Variants in IRF2 observed in about 807,000 individuals in gnomAD.
The protein encoded by IRF2 is interferon regulatory factor 2.
IRF2 carries 15 observed loss-of-function variants against 40.6 expected under a neutral mutation model. The observed-to-expected ratio is 0.37, with a 90% confidence interval of 0.25 to 0.57. IRF2 has a LOEUF of 0.57. Ranked by LOEUF, IRF2 falls within the 20% of genes least tolerant of loss-of-function variation. The probability of loss-of-function intolerance (pLI) is 0.77; values close to 1 mark genes in which losing one functional copy is unlikely to be tolerated. For synonymous variants in IRF2, 151 were observed against 165.5 expected (o/e 0.91, Z 0.67); for missense variants, 317 against 455.7 (o/e 0.70, Z 2.77).
chr4:184,405,109 T>C (rs57161954), intron 6 of IRF2, among the ~76,000 whole-genome samples: 480 of 152,226 alleles, frequency 3.2e-3, no homozygotes, highest in African/African-American at 0.011. Flanking sequence ...CCAGGCATGG[T>C]GGCGCATCCC....
intron 6 of IRF2, among the ~76,000 whole-genome samples, chr4:184,401,467 G>C (rs535417973): frequency 1.8e-4 from 28 of 152,268 alleles, no homozygotes; most frequent in Middle Eastern, 3.4e-3. Flanking sequence ...TCCTGGTGGG[G>C]ATAAAATTAA....
intron 7 of IRF2, among the ~76,000 whole-genome samples, chr4:184,395,361 C>G (rs938088277): frequency 8.0e-6 from 1 of 125,584 alleles, no homozygotes; most frequent in Non-Finnish European, 1.6e-5. Context: ...TGCAGTGAGC[C>G]GAGATCGCAC....
At chr4:184,407,650 T>C (rs1029484908) in intron 6 of IRF2, among the ~76,000 whole-genome samples, 1 of 152,182 alleles carries the variant, frequency 6.6e-6, no homozygotes, top group Admixed American at 6.5e-5. Flanking sequence ...AGAAAAGAAA[T>C]TGGGCCTCCT....
chr4:184,444,129 A>G (rs1738414744), intron 1 of IRF2, among the ~76,000 whole-genome samples: 1 of 152,216 alleles, frequency 6.6e-6, no homozygotes, highest in Admixed American at 6.5e-5. Flanking sequence ...TCCCATATCC[A>G]TGACAAGTGG....
At chr4:184,450,062 T>G (rs1355269573) in intron 1 of IRF2, among the ~76,000 whole-genome samples, 1 of 152,240 alleles carries the variant, frequency 6.6e-6, no homozygotes, top group Non-Finnish European at 1.5e-5. Context: ...CAAAAGTGTG[T>G]GGATGTTAGC....
At chr4:184,442,512 T>C (rs1045413333) in intron 1 of IRF2, among the ~76,000 whole-genome samples, 10 of 152,074 alleles carry the variant, frequency 6.6e-5, no homozygotes, top group African/African-American at 2.4e-4. Context: ...CCATAACCGA[T>C]TAACCTGAAG....
intron 5 of IRF2, among the ~76,000 whole-genome samples, chr4:184,416,412 T>G (rs1197551471): frequency 8.1e-6 from 1 of 123,186 alleles, no homozygotes; most frequent in African/African-American, 3.3e-5. Context: ...AAAAAAAAAA[T>G]GTTTTAAGAG....
At chr4:184,431,259 T>C (rs744038) in intron 1 of IRF2, among the ~76,000 whole-genome samples, 43,287 of 152,168 alleles carry the variant, frequency 0.28, 6,813 homozygotes, top group South Asian at 0.44. Flanking sequence ...ATTCATTCAT[T>C]TGTTCCATTC....
At chr4:184,419,681 A>G (rs1185816426) in intron 2 of IRF2, 113 bp from the exon 3 acceptor site, 1 of 701,792 alleles carries the variant, frequency 1.4e-6, no homozygotes, top group African/African-American at 1.8e-5. Flanking sequence ...GCATCGCTGA[A>G]TGTGTTGACT....
intron 6 of IRF2, 82 bp from the exon 7 acceptor site, chr4:184,399,161 A>G: frequency 7.0e-7 from 1 of 1,432,886 alleles, no homozygotes; most frequent in Non-Finnish European, 9.3e-7. Flanking sequence ...GTCTTCCCCA[A>G]AAGAGCCAGG....
At chr4:184,391,625 G>C (rs1406948135) in intron 7 of IRF2, among the ~76,000 whole-genome samples, 7 of 152,226 alleles carry the variant, frequency 4.6e-5, no homozygotes, top group Non-Finnish European at 1.5e-5. Context: ...CCTCAGATGA[G>C]ACAGCAGCTG....
At chr4:184,412,074 C>A (rs1198594962) in intron 5 of IRF2, among the ~76,000 whole-genome samples, 1 of 149,120 alleles carries the variant, frequency 6.7e-6, no homozygotes, top group Non-Finnish European at 1.5e-5. Flanking sequence ...TGAACTCCAG[C>A]AAACATTTAT....
intron 1 of IRF2, among the ~76,000 whole-genome samples, chr4:184,439,832 G>A (rs1327886137): frequency 6.6e-6 from 1 of 152,090 alleles, no homozygotes; most frequent in African/African-American, 2.4e-5. Context: ...ACTGACTTGG[G>A]GCCCCTATGT....
intron 1 of IRF2, among the ~76,000 whole-genome samples, chr4:184,437,531 T>C (rs887071321): frequency 6.6e-5 from 10 of 152,006 alleles, no homozygotes; most frequent in Middle Eastern, 3.4e-3. Context: ...AGGAAAAGCA[T>C]AGCCAAAAAG....
In IRF2 at chr4:184,401,295, C is replaced by G. The variant is rs371190121; in HGVS notation, c.530-2216G>C. Among the ~76,000 whole-genome samples, 121 of 152,250 alleles carry G rather than the reference C, an allele frequency of 7.9e-4. 3 individuals carry two copies. The South Asian group carries it at 0.024, about 30-fold the overall frequency. ...GAGTGACAAGCACATTATCTGATTT[C>G]TACGCAGGGAAGGTTTTAGAGGGCA... On this transcript the variant is annotated intron_variant, in intron 6 of 8. Transcript: ENST00000393593.
chr4:184,407,965 T>TCTAA (rs59961766), intron 6 of IRF2, among the ~76,000 whole-genome samples, 193 bp downstream of exon 6: 17,286 of 152,154 alleles, frequency 0.11, 1,206 homozygotes, highest in African/African-American at 0.19. Flanking sequence ...GGCTGACCCG[T>TCTAA]CTAAGTTCCT....
At chr4:184,439,775 C>A (rs1738232440) in intron 1 of IRF2, among the ~76,000 whole-genome samples, 1 of 152,192 alleles carries the variant, frequency 6.6e-6, no homozygotes, top group South Asian at 2.1e-4. Flanking sequence ...ACCACAGACT[C>A]CTCTGGTACC....
intron 2 of IRF2, among the ~76,000 whole-genome samples, chr4:184,424,535 G>A (rs73007034): frequency 6.6e-6 from 1 of 152,146 alleles, no homozygotes; most frequent in Non-Finnish European, 1.5e-5. Flanking sequence ...TTAAGAGGAA[G>A]AGAGACCTGT....
At chr4:184,403,309 G>A (rs561172601) in intron 6 of IRF2, among the ~76,000 whole-genome samples, 65 of 151,998 alleles carry the variant, frequency 4.3e-4, no homozygotes, top group Non-Finnish European at 8.1e-4. Context: ...GATTTCCCTG[G>A]ACCACCAAGC....
Sources: gnomAD v4.1 joint callset for allele counts (sites outside exome capture counted in the v4.1 genomes callset) on GRCh38, gnomAD v4.1.1 for gene constraint, MANE v1.5 for transcripts, NCBI Gene and HGNC (gene_info 2026-07-23, HGNC 2026-07-21) for gene names.